Variants in QTRT2 observed in about 807,000 individuals in gnomAD.
QTRT2 encodes the protein queuine tRNA-ribosyltransferase accessory subunit 2.
In QTRT2, 32 loss-of-function variants were observed where a neutral mutation model predicts 44.8. The ratio of observed to expected loss-of-function variants is 0.71; its 90% confidence interval spans 0.54 to 0.96. QTRT2 has a LOEUF of 0.96. Ranked by LOEUF, QTRT2 falls within the 40% of genes least tolerant of loss-of-function variation. The pLI, the probability that QTRT2 is intolerant of heterozygous loss-of-function variation, is 0.00. For synonymous variants in QTRT2, 182 were observed against 187.4 expected (o/e 0.97, Z 0.24); for missense variants, 461 against 503.1 (o/e 0.92, Z 0.80).
At chr3:114,073,367 G>GT (rs140572915) in intron 6 of QTRT2, among the ~76,000 whole-genome samples, 89 of 152,068 alleles carry the variant, frequency 5.9e-4, no homozygotes, top group Admixed American at 7.2e-4. Context: ...ATTTGTGGGG[G>GT]TTTTTTTGTT....
intron 6 of QTRT2, among the ~76,000 whole-genome samples, chr3:114,071,373 G>A (rs1257734480): frequency 1.3e-5 from 2 of 151,894 alleles, no homozygotes; most frequent in South Asian, 2.1e-4. Context: ...ATCTCAGCTC[G>A]CTGTAACCTC....
Position 114,056,979 on chromosome 3 carries a change from T to C in QTRT2, c.-129-20T>C. Reference sequence around the variant, plus strand: ...ACGGTGATTGTACTCCCGCCATGTCTCCTCTGCTTCCCTTTTCAGGGTGTC... The same window carrying C: ...ACGGTGATTGTACTCCCGCCATGTCCCCTCTGCTTCCCTTTTCAGGGTGTC... On this transcript the variant is annotated intron_variant, in intron 1 of 9. Coordinates refer to ENST00000281273, the MANE Select transcript of QTRT2 (RefSeq NM_024638.4). 6.9e-7 allele frequency: 1 copy of C among 1,458,422 alleles called. No homozygotes were observed. Among genetic ancestry groups the C allele is most frequent in the Non-Finnish European group, 9.0e-7 (1 of 1,108,914 alleles). 90.3% of individuals were successfully genotyped at this position (1,458,422 alleles called of 1,614,324 possible).
At chr3:114,057,900 A>G (rs930955847) in intron 2 of QTRT2, among the ~76,000 whole-genome samples, 7 of 152,186 alleles carry the variant, frequency 4.6e-5, no homozygotes, top group African/African-American at 1.7e-4. Context: ...AAGAAGAAGA[A>G]CACTATAGCA....
chr3:114,056,848 G>A lies in QTRT2; in HGVS notation c.-146G>A. The stretch of plus-strand genomic sequence containing the variant: ...GAGGGGTCTGAAGACTGAAAGAGTC[G>A]AATGGTTTGTTGGCAGGTAAGTGCC... On this transcript the variant is annotated 5_prime_UTR_variant, in exon 1 of 10. Coordinates refer to ENST00000281273, the MANE Select transcript of QTRT2 (RefSeq NM_024638.4). The A allele has an allele frequency of 6.5e-7, 1 of 1,535,898 alleles. No homozygotes were observed. Among genetic ancestry groups the A allele is most frequent in the Non-Finnish European group, 8.7e-7 (1 of 1,146,778 alleles).
chr3:114,067,109 C>T (rs2076964298), intron 4 of QTRT2, among the ~76,000 whole-genome samples: 1 of 152,120 alleles, frequency 6.6e-6, no homozygotes, highest in Non-Finnish European at 1.5e-5. Flanking sequence ...CTTCTGAGAG[C>T]AGCTGCATGA....
chr3:114,087,424 G>T lies in QTRT2; in HGVS notation c.*1520G>T, dbSNP rs1167742952. On this transcript the variant is annotated 3_prime_UTR_variant, in exon 10 of 10. Transcript: ENST00000281273. The stretch of plus-strand genomic sequence containing the variant: ...GACGGAGCCTTGCTCTGTCGCCCAG[G>T]CTGGAGTGCAGTGGCGCGATCTCGG... 1 of 152,138 alleles carries T rather than the reference G, an allele frequency of 6.6e-6. No homozygotes were observed. Among genetic ancestry groups the T allele is most frequent in the Non-Finnish European group, 1.5e-5 (1 of 68,108 alleles). The allele number at this position is 152,138 out of a possible 1,614,324, so 9.4% of individuals were successfully genotyped here. A position where few individuals can be genotyped will look rare whatever the true frequency, so the allele number is the denominator to read the frequency against.
Position 114,069,156 on chromosome 3 carries a change from G to A in QTRT2, c.333+1093G>A, listed in dbSNP as rs769462977. On this transcript the variant is annotated intron_variant, in intron 5 of 9. Transcript: ENST00000281273. ...CTGATGCCTTAGTATAAAATAAAAC[G>A]ACTATATGTTGGCCTGCCATCTATG... Among the ~76,000 whole-genome samples the A allele has an allele frequency of 2.0e-5, 3 of 151,996 alleles. No individual in the cohort carries two copies. The South Asian group carries it at 6.2e-4, about 32-fold the overall frequency.
At chr3:114,084,320 A>G (rs1391974608) in intron 9 of QTRT2, among the ~76,000 whole-genome samples, 2 of 152,076 alleles carry the variant, frequency 1.3e-5, no homozygotes, top group Non-Finnish European at 2.9e-5. Context: ...TTAATAGTTG[A>G]TTAAAGGTAA....
intron 6 of QTRT2, among the ~76,000 whole-genome samples, chr3:114,074,503 T>C (rs2077063761): frequency 6.6e-6 from 1 of 152,230 alleles, no homozygotes; most frequent in Non-Finnish European, 1.5e-5. Context: ...GATCATCTCA[T>C]CTTTCACCTG....
chr3:114,080,478 G>A (rs1156896343), intron 8 of QTRT2, among the ~76,000 whole-genome samples: 15 of 151,980 alleles, frequency 9.9e-5, no homozygotes, highest in Admixed American at 9.8e-4. Context: ...TGATCCTAGT[G>A]TTACTTCTTG....
chr3:114,070,095 G>T lies in QTRT2; in HGVS notation c.334-531G>T, dbSNP rs574744874. On this transcript the variant is annotated intron_variant, in intron 5 of 9. Transcript: ENST00000281273. ...GAGATCAGATTAATATGTGAACTCA[G>T]TGTCTCAATGGACACGTAGTATTTT... 8.3e-4 allele frequency among the ~76,000 whole-genome samples: 126 copies of T among 152,304 alleles called. 2 individuals carry two copies. In the South Asian group the frequency reaches 0.017, roughly 21 times the overall value.
intron 7 of QTRT2, chr3:114,078,933 T>C (rs2077127864): frequency 6.6e-6 from 1 of 152,190 alleles, no homozygotes; most frequent in African/African-American, 2.4e-5. Flanking sequence ...GCCAACTAGA[T>C]TCTTAGATCC....
chr3:114,073,676 G>T (rs762563656), intron 6 of QTRT2, among the ~76,000 whole-genome samples: 25 of 152,158 alleles, frequency 1.6e-4, no homozygotes, highest in Admixed American at 3.3e-4. Flanking sequence ...ACCGCGCCCG[G>T]CCTTACTTAT....
Position 114,080,019 on chromosome 3 carries a change from C to A in QTRT2, c.860C>A (p.Thr287Asn). The change falls in exon 8 of 10, where the codon ACT becomes AAT. Residue 287 changes from threonine (T) to asparagine (N), a missense_variant. Thr to Asn is a moderately conservative substitution (Grantham distance 65). Transcript: ENST00000281273. Reference protein sequence around the residue: ...YQVTERGCALTFSFDYQPNPE... With the variant: ...YQVTERGCALNFSFDYQPNPE... ...GTAACAGAGCGGGGATGTGCCCTGA[C>A]TTTCAGTTTTGATTACCAGCCGAAT... The A allele has an allele frequency of 6.2e-7, 1 of 1,612,228 alleles. No individual in the cohort carries two copies. The highest frequency in any genetic ancestry group is 1.7e-5 in the Admixed American group (1 of 59,704).
chr3:114,076,101 C>T (rs571489450), intron 6 of QTRT2, among the ~76,000 whole-genome samples: 6 of 152,234 alleles, frequency 3.9e-5, no homozygotes, highest in African/African-American at 9.6e-5. Flanking sequence ...CCTGGATAGT[C>T]ATTTCACAAA....
chr3:114,064,570 A>G (rs999493372), intron 2 of QTRT2, among the ~76,000 whole-genome samples: 2 of 152,084 alleles, frequency 1.3e-5, no homozygotes, highest in Admixed American at 1.3e-4. Flanking sequence ...TTCTTTAAAC[A>G]CATATTAGTC....
At chr3:114,059,150 G>C (rs1057155785) in intron 2 of QTRT2, among the ~76,000 whole-genome samples, 1 of 152,250 alleles carries the variant, frequency 6.6e-6, no homozygotes, top group Admixed American at 6.5e-5. Flanking sequence ...GTTAGGACAG[G>C]TACGGTGTTG....
At chr3:114,074,961 GA>G (rs2077069930) in intron 6 of QTRT2, among the ~76,000 whole-genome samples, 1 of 152,142 alleles carries the variant, frequency 6.6e-6, no homozygotes, top group South Asian at 2.1e-4. Context: ...TTACTCTATG[GA>G]TAAACATTTA....
chr3:114,064,410 A>G (rs2076926492), intron 2 of QTRT2, among the ~76,000 whole-genome samples: 1 of 152,222 alleles, frequency 6.6e-6, no homozygotes, highest in South Asian at 2.1e-4. Flanking sequence ...TGTGCTTATC[A>G]AGTTCTGTAG....
Sources: allele counts gnomAD v4.1 joint callset (sites outside exome capture counted in the v4.1 genomes callset), GRCh38; gene constraint gnomAD v4.1.1; transcripts MANE v1.5; gene names NCBI Gene and HGNC (gene_info 2026-07-23, HGNC 2026-07-21).